SRGAP2C: variants seen among roughly 807,000 people sequenced by gnomAD.
SRGAP2C encodes the protein SLIT-ROBO Rho GTPase activating protein 2C, also known as SLIT-ROBO Rho GTPase-activating protein 2C.
In SRGAP2C, 15 loss-of-function variants were observed where a neutral mutation model predicts 25.1. The ratio of observed to expected loss-of-function variants is 0.60; its 90% CI spans 0.40 to 0.92. SRGAP2C has a LOEUF of 0.92. Among genes scored for constraint, SRGAP2C ranks in the 40% least tolerant of loss-of-function variants. The pLI, the probability that SRGAP2C is intolerant of heterozygous loss-of-function variation, is 0.00. For synonymous variants in SRGAP2C, 44 were observed against 96.6 expected (o/e 0.46, Z 3.19); for missense variants, 144 against 264.4 (o/e 0.54, Z 3.16).
At chr1:121,250,770 C>G (rs1245291118) in intron 2 of SRGAP2C, among the ~76,000 whole-genome samples, 2 of 114,220 alleles carry the variant, frequency 1.8e-5, no homozygotes, top group Admixed American at 1.8e-4. Context: ...AGAGGCAGGA[C>G]CAATCTATGG....
chr1:121,253,943 C>G (rs1277435148), intron 2 of SRGAP2C, among the ~76,000 whole-genome samples: 2 of 151,882 alleles, frequency 1.3e-5, no homozygotes, highest in East Asian at 3.9e-4. Flanking sequence ...GATGGAGTCT[C>G]ACTCCGTCAC....
At chr1:121,202,711 G>A (rs1558078940) in intron 2 of SRGAP2C, among the ~76,000 whole-genome samples, 1 of 152,088 alleles carries the variant, frequency 6.6e-6, no homozygotes, top group African/African-American at 2.4e-5. Context: ...ATAGGCGTGA[G>A]CCACCGTACC....
At chr1:121,379,096 G>A (rs1278884499) in intron 7 of SRGAP2C, among the ~76,000 whole-genome samples, 11 of 152,224 alleles carry the variant, frequency 7.2e-5, no homozygotes, top group South Asian at 2.1e-4. Flanking sequence ...TGTAAGTGCC[G>A]TGTACATGTA....
intron 3 of SRGAP2C, among the ~76,000 whole-genome samples, chr1:121,294,807 C>G (rs1316846149): frequency 7.0e-6 from 1 of 142,590 alleles, no homozygotes; most frequent in African/African-American, 2.6e-5. Flanking sequence ...CACCGTTTCT[C>G]CCAGCTTCTT....
At chr1:121,281,394 A>T (rs1657238782) in intron 2 of SRGAP2C, among the ~76,000 whole-genome samples, 11 of 138,720 alleles carry the variant, frequency 7.9e-5, no homozygotes, top group African/African-American at 1.6e-4. Context: ...CTCCTTCTCC[A>T]CCTCCTGTTC....
At chr1:121,307,240 C>T (rs1165672510) in intron 3 of SRGAP2C, among the ~76,000 whole-genome samples, 4 of 145,204 alleles carry the variant, frequency 2.8e-5, no homozygotes, top group African/African-American at 1.0e-4. Context: ...GCTGGGAATG[C>T]AGGTGTGAGG....
intron 3 of SRGAP2C, among the ~76,000 whole-genome samples, chr1:121,292,062 A>C (rs1553337699): frequency 2.7e-5 from 4 of 149,078 alleles, no homozygotes; most frequent in East Asian, 4.0e-4. Context: ...GTATATGTGA[A>C]ATTCCAAATT....
chr1:121,259,781 A>T (rs1656569988), intron 2 of SRGAP2C, among the ~76,000 whole-genome samples: 2 of 150,366 alleles, frequency 1.3e-5, no homozygotes, highest in South Asian at 4.2e-4. Context: ...AAGGAGCATC[A>T]AGAATGCTGG....
intron 2 of SRGAP2C, among the ~76,000 whole-genome samples, chr1:121,211,146 C>G (rs1268010453): frequency 6.6e-6 from 1 of 151,554 alleles, no homozygotes; most frequent in African/African-American, 2.4e-5. Flanking sequence ...CAATTAACAC[C>G]TTGACTCTCT....
Position 121,268,010 on chromosome 1 carries a change from G to T in SRGAP2C, c.68-16793G>T, listed in dbSNP as rs1249692391. On this transcript the variant is annotated intron_variant, in intron 2 of 9. Coordinates refer to ENST00000367123, the MANE Select transcript of SRGAP2C (RefSeq NM_001329984.2). ...AGCTCTTGATTCATTCATTCAATGT[G>T]CCTTTATTGAGTGCTTACTCTATGT... Among the ~76,000 whole-genome samples, 3 of 148,320 alleles carry T rather than the reference G, an allele frequency of 2.0e-5. No homozygotes were observed. The South Asian group carries it at 6.4e-4, about 32-fold the overall frequency.
chr1:121,357,069 G>A (rs1396498106), intron 4 of SRGAP2C, among the ~76,000 whole-genome samples: 1 of 138,816 alleles, frequency 7.2e-6, no homozygotes, highest in Non-Finnish European at 1.5e-5. Flanking sequence ...AGCTTTGTTA[G>A]TGAGCATTCA....
rs587727308 is a variant in SRGAP2C at position 121,208,294 on chromosome 1, C to T, written c.67+20781C>T. 2.9e-4 allele frequency among the ~76,000 whole-genome samples: 44 copies of T among 152,072 alleles called. No homozygotes were observed. In the South Asian group the frequency reaches 8.3e-3, roughly 29 times the overall value. On this transcript the variant is annotated intron_variant, in intron 2 of 9. Transcript: ENST00000367123. ...GCTTTCTGGGCCATACTTGAAATGA[C>T]GTGCCGTGTTACAGTGAACCCCTTT...
chr1:121,263,372 G>A (rs1423851471), intron 2 of SRGAP2C, among the ~76,000 whole-genome samples: 1 of 145,986 alleles, frequency 6.8e-6, no homozygotes, highest in East Asian at 2.0e-4. Context: ...CGGTGCTTGC[G>A]GTGAGCAGAG....
chr1:121,212,254 C>T lies in SRGAP2C; in HGVS notation c.67+24741C>T, dbSNP rs1263957805. 3.7e-5 allele frequency among the ~76,000 whole-genome samples: 5 copies of T among 134,256 alleles called. No homozygotes were observed. In the East Asian group the frequency reaches 1.1e-3, roughly 30 times the overall value. The allele number at this position is 134,256 out of a possible 152,430, so 88.1% of individuals were successfully genotyped here. ...CAAGCAATTCTCCTGCCTCAGCCTC[C>T]CAAGTAGCTGGGACTACAGGCGCCC... On this transcript the variant is annotated intron_variant, in intron 2 of 9. Coordinates refer to ENST00000367123, the MANE Select transcript of SRGAP2C (RefSeq NM_001329984.2).
At chr1:121,204,668 G>A (rs1251581659) in intron 2 of SRGAP2C, among the ~76,000 whole-genome samples, 7 of 152,110 alleles carry the variant, frequency 4.6e-5, no homozygotes, top group African/African-American at 1.7e-4. Context: ...ACTCATTGTT[G>A]ACGATTATAG....
intron 2 of SRGAP2C, among the ~76,000 whole-genome samples, chr1:121,210,227 G>C (rs1275502351): frequency 6.6e-6 from 1 of 151,450 alleles, no homozygotes; most frequent in Non-Finnish European, 1.5e-5. Context: ...GATAAATTAG[G>C]GTAAACAAAA....
chr1:121,377,225 A>G (rs1314347106), intron 7 of SRGAP2C, among the ~76,000 whole-genome samples: 1 of 131,230 alleles, frequency 7.6e-6, no homozygotes, highest in Non-Finnish European at 1.6e-5. Flanking sequence ...CACTGGGATC[A>G]AAAGGCTACA....
rs1477403836 is a variant in SRGAP2C at position 121,392,282 on chromosome 1, CTTCTTCCTTCCCCCTCCTCCTTTTTACTT to C, written c.*4436_*4464del. On this transcript the variant is annotated 3_prime_UTR_variant, in exon 10 of 10. Transcript: ENST00000367123. ...CCATTCTTTCTTTTCACCTTTCTTC[CTTCTTCCTTCCCCCTCCTCCTTTTTACTT>C]TTCTTCCTCTTCCTTTCTCTTCTTC... 3 of 151,940 alleles carry C rather than the reference CTTCTTCCTTCCCCCTCCTCCTTTTTACTT, an allele frequency of 2.0e-5. No homozygotes were observed. Among genetic ancestry groups the C allele is most frequent in the Admixed American group, 2.0e-4 (3 of 15,262 alleles). The allele number at this position is 151,940 out of a possible 1,614,324, so 9.4% of individuals were successfully genotyped here.
In SRGAP2C at chr1:121,323,228, A is replaced by T. The variant is rs1658247357; in HGVS notation, c.261-1250A>T. On this transcript the variant is annotated intron_variant, in intron 3 of 9. Coordinates refer to ENST00000367123, the MANE Select transcript of SRGAP2C (RefSeq NM_001329984.2). Reference sequence around the variant, plus strand: ...CCTACTTTTGTTTCTCTCCTTAAAGAAATCCAACTTCCAAATGTAGAACTT... The same window carrying T: ...CCTACTTTTGTTTCTCTCCTTAAAGTAATCCAACTTCCAAATGTAGAACTT... 1.3e-5 allele frequency among the ~76,000 whole-genome samples: 2 copies of T among 149,212 alleles called. 1 individual carries two copies. Among genetic ancestry groups the T allele is most frequent in the South Asian group, 4.3e-4 (2 of 4,646 alleles).
Sources: gnomAD v4.1 joint callset for allele counts (sites outside exome capture counted in the v4.1 genomes callset) on GRCh38, gnomAD v4.1.1 for gene constraint, MANE v1.5 for transcripts, NCBI Gene and HGNC (gene_info 2026-07-23, HGNC 2026-07-21) for gene names.